SEC24B: variants seen among roughly 807,000 people sequenced by gnomAD.
The protein encoded by SEC24B is protein transport protein Sec24B.
In SEC24B, 45 loss-of-function variants were observed where a neutral mutation model predicts 142.8. The observed-to-expected ratio is 0.32, with a 90% CI of 0.25 to 0.40. SEC24B has a LOEUF of 0.40. SEC24B is among the 10% of genes least tolerant of loss of function. The pLI is 1.00. For missense variants in SEC24B, 1,409 were observed against 1,526.8 expected, an observed-to-expected ratio of 0.92 and a Z score of 1.29; for synonymous variants, 574 against 568.2, an observed-to-expected ratio of 1.01 and a Z score of -0.15.
chr4:109,443,539 G>T (rs1057204912), intron 1 of SEC24B, among the ~76,000 whole-genome samples: 16 of 152,256 alleles, frequency 1.1e-4, no homozygotes, highest in African/African-American at 3.6e-4. Context: ...ACCATGCCTG[G>T]CCTATAAATT....
chr4:109,483,613 G>A (rs1007057174), intron 4 of SEC24B, among the ~76,000 whole-genome samples: 5 of 152,090 alleles, frequency 3.3e-5, no homozygotes, highest in African/African-American at 1.2e-4. Context: ...CAATTCTCCT[G>A]TTCTAAATGT....
At chr4:109,507,925 G>A (rs1286906412) in intron 7 of SEC24B, among the ~76,000 whole-genome samples, 5 of 152,126 alleles carry the variant, frequency 3.3e-5, no homozygotes, top group Non-Finnish European at 7.4e-5. Context: ...CATTACAGGC[G>A]TGAGCCACTG....
chr4:109,484,083 T>A (rs953593484), intron 4 of SEC24B, among the ~76,000 whole-genome samples: 3 of 152,244 alleles, frequency 2.0e-5, no homozygotes, highest in Non-Finnish European at 4.4e-5. Context: ...CAAATATCAG[T>A]TGTCTGAAGT....
intron 4 of SEC24B, among the ~76,000 whole-genome samples, chr4:109,487,089 C>T (rs1377430466): frequency 3.4e-5 from 5 of 148,978 alleles, no homozygotes; most frequent in East Asian, 2.0e-4. Context: ...CACTTGAACC[C>T]GGGAGACAGA....
At chr4:109,465,892 T>G (rs1197488640) in intron 2 of SEC24B, among the ~76,000 whole-genome samples, 1 of 152,202 alleles carries the variant, frequency 6.6e-6, no homozygotes, top group African/African-American at 2.4e-5. Flanking sequence ...CTTAGTACTG[T>G]ACTGTGGATG....
chr4:109,478,458 T>G (rs1490995274), intron 3 of SEC24B, among the ~76,000 whole-genome samples: 3 of 152,186 alleles, frequency 2.0e-5, no homozygotes, highest in Non-Finnish European at 1.5e-5. Flanking sequence ...TTATTTTGTA[T>G]TTAGTATGTG....
chr4:109,517,960 T>TTTAA (rs1488557765), intron 11 of SEC24B, among the ~76,000 whole-genome samples: 3 of 150,164 alleles, frequency 2.0e-5, no homozygotes, highest in Non-Finnish European at 4.4e-5. Flanking sequence ...TATTTATTTA[T>TTTAA]TTATTTATTT....
chr4:109,452,273 A>G (rs1268646351), intron 1 of SEC24B, among the ~76,000 whole-genome samples: 1 of 152,142 alleles, frequency 6.6e-6, no homozygotes, highest in African/African-American at 2.4e-5. Flanking sequence ...TGTTATTGCT[A>G]AGTAGTATTC....
chr4:109,478,730 G>A (rs906150290), intron 3 of SEC24B, among the ~76,000 whole-genome samples: 1 of 152,160 alleles, frequency 6.6e-6, no homozygotes, highest in Non-Finnish European at 1.5e-5. Context: ...TTACAGCAGT[G>A]TGTCATAGTA....
chr4:109,447,437 C>G (rs1016537074), intron 1 of SEC24B, among the ~76,000 whole-genome samples: 2 of 152,136 alleles, frequency 1.3e-5, no homozygotes, highest in African/African-American at 4.8e-5. Flanking sequence ...CCTGATGAAC[C>G]TCTTTTAGGG....
At chr4:109,535,280 G>A (rs1217750863) in intron 22 of SEC24B, among the ~76,000 whole-genome samples, 5 of 152,120 alleles carry the variant, frequency 3.3e-5, no homozygotes, top group Non-Finnish European at 7.4e-5. Context: ...TGGGCCGGAC[G>A]CTGTGGCTCA....
chr4:109,464,880 G>C (rs7440570), intron 2 of SEC24B, among the ~76,000 whole-genome samples: 103,526 of 152,186 alleles, frequency 0.68, 40,752 homozygotes, highest in East Asian at 0.89. Context: ...AAACAAAAAG[G>C]GGGTATTTTC....
intron 14 of SEC24B, 58 bp from the exon 15 acceptor site, chr4:109,524,760 G>T: frequency 6.6e-7 from 1 of 1,509,584 alleles, no homozygotes; most frequent in Admixed American, 2.0e-5. Flanking sequence ...TTATAAAAAT[G>T]ACATGAAAAT....
intron 5 of SEC24B, among the ~76,000 whole-genome samples, chr4:109,492,361 A>T (rs1455053222): frequency 6.6e-6 from 1 of 152,258 alleles, no homozygotes; most frequent in East Asian, 1.9e-4. Flanking sequence ...TTCCAAAAAC[A>T]ATCTCTTATC....
At chr4:109,471,606 G>A (rs925440664) in intron 2 of SEC24B, among the ~76,000 whole-genome samples, 7 of 151,384 alleles carry the variant, frequency 4.6e-5, no homozygotes, top group African/African-American at 1.7e-4. Context: ...GGGTTTGCTG[G>A]GTAGTTCTGC....
chr4:109,436,729 C>G (rs1479440218), intron 1 of SEC24B, among the ~76,000 whole-genome samples: 1 of 152,196 alleles, frequency 6.6e-6, no homozygotes, highest in Admixed American at 6.5e-5. Context: ...TTTGAGTCCC[C>G]ACCCATCATC....
intron 2 of SEC24B, 40 bp downstream of exon 2, chr4:109,463,684 T>C: frequency 6.3e-7 from 1 of 1,584,528 alleles, no homozygotes; most frequent in Non-Finnish European, 8.6e-7. Flanking sequence ...TGTTTGAAAA[T>C]CAGTGCATTC....
rs764811622 is a variant in SEC24B, at chr4:109,463,283, G to A, written c.516G>A (p.Ala172=). The A allele has an allele frequency of 1.2e-5, 20 of 1,614,010 alleles. No homozygotes were observed. The highest frequency in any genetic ancestry group is 4.0e-5 in the African/African-American group (3 of 74,892). The part of the protein sequence containing the change: ...PAMYSASSSV[A]SQGFPSTCGH... ...TGTACTCTGCCAGCTCTTCTGTTGC[G>A]TCTCAGGGATTTCCCTCTACTTGTG... The change falls in exon 2 of 24, where the codon GCG becomes GCA. Residue 172 remains alanine (A), a synonymous_variant. Coordinates refer to ENST00000265175, the MANE Select transcript of SEC24B (RefSeq NM_006323.5).
At chr4:109,438,304 CTGTT>C (rs1286077368) in intron 1 of SEC24B, among the ~76,000 whole-genome samples, 20 of 152,138 alleles carry the variant, frequency 1.3e-4, no homozygotes, top group South Asian at 1.2e-3. Context: ...AACTTTTTGT[CTGTT>C]TGTTTATTTA....
Sources: gnomAD v4.1 joint callset for allele counts (sites outside exome capture counted in the v4.1 genomes callset) on GRCh38, gnomAD v4.1.1 for gene constraint, MANE v1.5 for transcripts, NCBI Gene and HGNC (gene_info 2026-07-23, HGNC 2026-07-21) for gene names.